The following MOV10 variants were observed in gnomAD, a reference collection of about 807,000 sequenced individuals.
MOV10 encodes RNA helicase MOV-10.
MOV10 carries 39 observed loss-of-function variants against 108.4 expected under a neutral mutation model. The observed-to-expected ratio is 0.36, with a 90% confidence interval of 0.28 to 0.47. The LOEUF (loss-of-function observed/expected upper bound fraction) is 0.47, where lower values mean the gene tolerates loss of function less well. Ranked by LOEUF, MOV10 falls within the 20% of genes least tolerant of loss-of-function variation. MOV10 has a pLI of 1.00. For missense variants in MOV10, 952 were observed against 1,297.6 expected, an observed-to-expected ratio of 0.73 and a Z score of 4.09; for synonymous variants, 490 against 523.1, an observed-to-expected ratio of 0.94 and a Z score of 0.86.
At position 112,696,817 on chromosome 1, in the gene MOV10, G is replaced by A. The variant is rs1355164484; in HGVS notation, c.2169G>A (p.Gln723=). 1 of 1,602,700 alleles carries A rather than the reference G, an allele frequency of 6.2e-7. No homozygotes were observed. The highest frequency in any genetic ancestry group is 1.7e-5 in the Admixed American group (1 of 58,700). ...YKKGPDGYDP[Q]FITKLLRNYR... The stretch of plus-strand genomic sequence containing the variant: ...AGGGCCCTGATGGCTATGACCCCCA[G>A]TTCATAACCAAGCTGCTCCGCAACT... Residue 723 remains glutamine, a synonymous_variant, in exon 14 of 21, where the codon CAG becomes CAA. Coordinates refer to ENST00000369645, the MANE Select transcript of MOV10 (RefSeq NM_001321324.2).
Position 112,696,689 on chromosome 1 carries a change from C to T in MOV10, c.2041C>T (p.Pro681Ser), listed in dbSNP as rs370183923. The change falls in exon 14 of 21, where the codon CCT becomes TCT. Residue 681 changes from proline to serine, a missense_variant. By Grantham distance (74) the Pro-to-Ser change is moderately conservative. Around this residue, in one of 5 missense-constraint regions of MOV10, gnomAD observed 453 missense variants for 611.5 expected, o/e 0.74. Coordinates refer to ENST00000369645, the MANE Select transcript of MOV10 (RefSeq NM_001321324.2). ...AGGGCAGCTGGTGCTGGCAGGAGAC[C>T]CTCGGCAGCTGGGGCCTGTGCTGCG... ...PGGQLVLAGD[P>S]RQLGPVLRSP... The T allele has an allele frequency of 3.7e-6, 6 of 1,609,752 alleles. No individual in the cohort carries two copies. The African/African-American group carries it at 8.0e-5, about 22-fold the overall frequency.
In MOV10 at chr1:112,700,451, G is replaced by A. The variant is rs1674547152; in HGVS notation, c.2956G>A (p.Glu986Lys). ...HSHDYLPQER[E>K]GEGGLSLQVE... ...CCATGACTACCTCCCCCAGGAGCGG[G>A]AGGGTGAAGGGGGCCTGTCTCTGCA... Residue 986 changes from glutamate to lysine, a missense_variant, in exon 21 of 21, where the codon GAG (glutamate) becomes AAG (lysine). Around this residue, in one of 5 missense-constraint regions of MOV10, gnomAD observed 42 missense variants for 36.5 expected, o/e 1.15. Coordinates refer to ENST00000369645, the MANE Select transcript of MOV10 (RefSeq NM_001321324.2). The A allele has an allele frequency of 6.2e-7, 1 of 1,613,896 alleles. No homozygotes were observed. Among genetic ancestry groups the A allele is most frequent in the South Asian group, 1.1e-5 (1 of 90,996 alleles).
At chr1:112,698,901 G>T in intron 17 of MOV10, 112 bp downstream of exon 17, 1 of 884,588 alleles carries the variant, frequency 1.1e-6, no homozygotes, top group Non-Finnish European at 1.9e-6. Context: ...CACCCCTGCT[G>T]CCTTGAATAG....
At chr1:112,684,331 G>A (rs1255971970) in intron 2 of MOV10, among the ~76,000 whole-genome samples, 6 of 139,306 alleles carry the variant, frequency 4.3e-5, no homozygotes, top group African/African-American at 1.1e-4. Flanking sequence ...GCAATGGCGC[G>A]AACTCAGCTC....
chr1:112,693,980 C>T (rs752010613), intron 7 of MOV10, 38 bp from the exon 8 acceptor site: 2 of 1,610,740 alleles, frequency 1.2e-6, no homozygotes, highest in South Asian at 1.1e-5. Flanking sequence ...CAGCGTCCAT[C>T]CCTGGGACAG....
At chr1:112,699,450 T>C in intron 17 of MOV10, 1 of 1,374,790 alleles carries the variant, frequency 7.3e-7, no homozygotes, top group African/African-American at 1.5e-5. Flanking sequence ...GCTGTTTTCT[T>C]TCCTTAGAAC....
chr1:112,679,902 A>G (rs538947899), intron 2 of MOV10, among the ~76,000 whole-genome samples: 1 of 152,258 alleles, frequency 6.6e-6, no homozygotes, highest in South Asian at 2.1e-4. Flanking sequence ...AATTTGGCAG[A>G]ACTTATCAAA....
Position 112,675,104 on chromosome 1 carries a change from C to T in MOV10, c.137+55C>T. On this transcript the variant is annotated intron_variant, in intron 2 of 20. Transcript: ENST00000369645. This position sits in a 1 kb window ranked among gnomAD's most constrained non-coding sequence, Gnocchi z 4.7. ...TCGCGGGCCCAGCTTGCTGCCACGA[C>T]CCCCGCGCGAGGGCCACCTTTCCCG... 2 of 1,561,794 alleles carry T rather than the reference C, an allele frequency of 1.3e-6. No individual in the cohort carries two copies. The highest frequency in any genetic ancestry group is 1.7e-6 in the Non-Finnish European group (2 of 1,158,028).
In MOV10 at chr1:112,695,915, G is replaced by T. The variant is rs141078143; in HGVS notation, c.1780-233G>T. On this transcript the variant is annotated intron_variant, in intron 11 of 20. Transcript: ENST00000369645. ...AAATCAGCTGAGTATGGTGGCGCGTGCCTGTAGCCCCAGCTACTCGGGAGG... is the reference window on the plus strand; with the variant it reads ...AAATCAGCTGAGTATGGTGGCGCGTTCCTGTAGCCCCAGCTACTCGGGAGG... Among the ~76,000 whole-genome samples the T allele has an allele frequency of 1.7e-4, 26 of 152,216 alleles. No homozygotes were observed. In the East Asian group the frequency reaches 4.4e-3, roughly 26 times the overall value.
chr1:112,693,820 A>C, intron 7 of MOV10, 198 bp from the exon 8 acceptor site: 1 of 523,712 alleles, frequency 1.9e-6, no homozygotes, highest in Non-Finnish European at 3.4e-6. Context: ...GCAGCTTCGG[A>C]GGATTTGTCT....
At chr1:112,682,283 G>T (rs369877153) in intron 2 of MOV10, among the ~76,000 whole-genome samples, 1 of 152,072 alleles carries the variant, frequency 6.6e-6, no homozygotes, top group African/African-American at 2.4e-5. Context: ...GAGTACAGTG[G>T]CATGAACATA....
intron 16 of MOV10, 80 bp downstream of exon 16, chr1:112,698,558 G>T: frequency 6.6e-7 from 1 of 1,508,236 alleles, no homozygotes; most frequent in Non-Finnish European, 9.1e-7. Context: ...CTAGGCAGAG[G>T]CTCCAGGAGC....
Position 112,686,349 on chromosome 1 carries a change from GT to G in MOV10, c.138-2584del, listed in dbSNP as rs1323126538. ...TGGACTCTAAGAAGCCCTTGTGAAA[GT>G]TACTGATGATCTCCTGATTTCAGTC... On this transcript the variant is annotated intron_variant, in intron 2 of 20. Coordinates refer to ENST00000369645, the MANE Select transcript of MOV10 (RefSeq NM_001321324.2). 7.9e-5 allele frequency among the ~76,000 whole-genome samples: 12 copies of G among 152,330 alleles called. No individual in the cohort carries two copies. In the South Asian group the frequency reaches 2.3e-3, roughly 29 times the overall value.
intron 10 of MOV10, 21 bp from the exon 11 acceptor site, chr1:112,695,395 C>G: frequency 6.2e-7 from 1 of 1,611,926 alleles, no homozygotes; most frequent in Non-Finnish European, 8.5e-7. Flanking sequence ...GCCTCCCACA[C>G]TGCGCTTATC....
At chr1:112,677,588 A>G (rs1672294874) in intron 2 of MOV10, among the ~76,000 whole-genome samples, 2 of 152,080 alleles carry the variant, frequency 1.3e-5, no homozygotes, top group Admixed American at 1.3e-4. Flanking sequence ...AAATCATTGT[A>G]ATATGCTAAA....
intron 3 of MOV10, 99 bp downstream of exon 3, chr1:112,689,237 T>G (rs1570778686): frequency 1.5e-6 from 2 of 1,335,234 alleles, no homozygotes; most frequent in East Asian, 5.0e-5. Context: ...CAAGTGGGAA[T>G]AAGTCCCCCT....
intron 7 of MOV10, 95 bp downstream of exon 7, chr1:112,693,024 A>G (rs905351312): frequency 2.4e-6 from 3 of 1,256,138 alleles, no homozygotes; most frequent in Non-Finnish European, 3.3e-6. Flanking sequence ...GCAGAACAAG[A>G]GGAAAGTTGA....
intron 5 of MOV10, among the ~76,000 whole-genome samples, chr1:112,690,473 C>T (rs1411815804): frequency 6.6e-6 from 1 of 152,140 alleles, no homozygotes; most frequent in African/African-American, 2.4e-5. Flanking sequence ...AATTCTCCTG[C>T]CTCAGCCTCC....
Position 112,675,019 on chromosome 1 carries a change from G to A in MOV10, c.107G>A (p.Arg36Gln), listed in dbSNP as rs1672068611. The A allele has an allele frequency of 2.5e-6, 4 of 1,586,168 alleles. No individual in the cohort carries two copies. The highest frequency in any genetic ancestry group is 3.4e-6 in the Non-Finnish European group (4 of 1,167,200). The change falls in exon 2 of 21, where the codon CGG becomes CAG. Residue 36 changes from arginine (R) to glutamine (Q), a missense_variant. Arg to Gln is a conservative substitution (Grantham distance 43). Around this residue, in one of 5 missense-constraint regions of MOV10, gnomAD observed 374 missense variants for 468.6 expected, o/e 0.80. Transcript: ENST00000369645. This position sits in a 1 kb window ranked among gnomAD's most constrained non-coding sequence, Gnocchi z 4.7. ...ATGGAGACAGATCGCGAGCGGCTGC[G>A]GACCATTTATAACCGCGACTTCAAG... ...LDMETDRERL[R>Q]TIYNRDFKIS...
Sources: allele counts gnomAD v4.1 joint callset (sites outside exome capture counted in the v4.1 genomes callset), GRCh38; gene constraint gnomAD v4.1.1; regional missense constraint gnomAD v4.1.1; non-coding constraint Gnocchi (gnomAD v3.1); transcripts MANE v1.5; gene names NCBI Gene and HGNC (gene_info 2026-07-23, HGNC 2026-07-21).